Variants in FCHO2 observed in about 807,000 individuals in gnomAD.
FCHO2 encodes F-BAR domain only protein 2.
In FCHO2, 43 loss-of-function variants were observed where a neutral mutation model predicts 114.1. That is an observed-to-expected ratio of 0.38 (90% CI 0.30 to 0.49). The LOEUF (loss-of-function observed/expected upper bound fraction) is 0.49. Among genes scored for constraint, FCHO2 ranks in the 20% least tolerant of loss-of-function variants. The probability of loss-of-function intolerance (pLI) is 0.97; values close to 1 mark genes in which losing one functional copy is unlikely to be tolerated. For missense variants in FCHO2, 807 were observed against 950.4 expected, an observed-to-expected ratio of 0.85 and a Z score of 1.98; for synonymous variants, 293 against 315.2, an observed-to-expected ratio of 0.93 and a Z score of 0.75.
chr5:73,011,912 G>GA (rs1187558539), intron 6 of FCHO2, among the ~76,000 whole-genome samples: 178 of 138,898 alleles, frequency 1.3e-3, no homozygotes, highest in Middle Eastern at 3.6e-3. Flanking sequence ...TCCATCTCAG[G>GA]AAAAAAAAAA....
intron 2 of FCHO2, among the ~76,000 whole-genome samples, chr5:72,986,874 C>CTT (rs1311341687): frequency 6.8e-6 from 1 of 146,058 alleles, no homozygotes. Context: ...CTTTTTCTTT[C>CTT]TTTTTTTTTT....
chr5:73,023,303 G>T (rs1755728984), intron 8 of FCHO2, among the ~76,000 whole-genome samples: 3 of 152,124 alleles, frequency 2.0e-5, no homozygotes, highest in African/African-American at 7.2e-5. Context: ...CAGTTTAAGA[G>T]GCAGGAATTT....
chr5:73,074,630 T>G, intron 19 of FCHO2, 112 bp from the exon 20 acceptor site: 1 of 915,806 alleles, frequency 1.1e-6, no homozygotes, highest in Non-Finnish European at 1.7e-6. Context: ...GGGACATCAC[T>G]GAAACCAGTG....
At chr5:73,049,447 T>A (rs554241745) in intron 11 of FCHO2, among the ~76,000 whole-genome samples, 2 of 152,284 alleles carry the variant, frequency 1.3e-5, no homozygotes, top group African/African-American at 4.8e-5. Context: ...GGAGGGGCCT[T>A]TTTGTCTTAT....
chr5:73,058,532 T>C lies in FCHO2; in HGVS notation c.1345+8T>C. ...TAACTTCATCATCATCAGGTAAATA[T>C]ATATATGTATATATGTATTTTTTTA... On this transcript the variant is annotated splice_region_variant and intron_variant, in intron 17 of 25. Transcript: ENST00000430046. The C allele has an allele frequency of 2.1e-6, 2 of 968,556 alleles. No homozygotes were observed. Among genetic ancestry groups the C allele is most frequent in the Non-Finnish European group, 2.9e-6 (2 of 685,282 alleles). 60.0% of individuals were successfully genotyped at this position (968,556 alleles called of 1,614,324 possible). A position where few individuals can be genotyped will look rare whatever the true frequency, so the allele number is the denominator to read the frequency against.
chr5:73,070,498 T>TA (rs1742588018), intron 19 of FCHO2, among the ~76,000 whole-genome samples: 2 of 151,848 alleles, frequency 1.3e-5, no homozygotes, highest in African/African-American at 4.8e-5. Context: ...ATTTTAGTCC[T>TA]AAAAAACCTA....
At chr5:73,025,996 T>C (rs1398687322) in intron 8 of FCHO2, among the ~76,000 whole-genome samples, 3 of 152,102 alleles carry the variant, frequency 2.0e-5, no homozygotes, top group Non-Finnish European at 4.4e-5. Flanking sequence ...TCCAATTCTT[T>C]TAAAAATTTG....
chr5:73,057,174 C>T (rs1223976314), intron 16 of FCHO2, among the ~76,000 whole-genome samples: 3 of 151,834 alleles, frequency 2.0e-5, no homozygotes, highest in Non-Finnish European at 4.4e-5. Flanking sequence ...GACTCAGACT[C>T]CTGAGCCTCT....
In FCHO2 at chr5:73,023,290, TAAC is replaced by T. The variant is rs1156670361; in HGVS notation, c.796+5984_796+5986del. On this transcript the variant is annotated intron_variant, in intron 8 of 25. Coordinates refer to ENST00000430046, the MANE Select transcript of FCHO2 (RefSeq NM_138782.3). ...TTATTAATGTTTAAATAATTAGAAA[TAAC>T]AGTTTAAGAGGCAGGAATTTACTTT... is the stretch of plus-strand genomic sequence containing the variant. Among the ~76,000 whole-genome samples the T allele has an allele frequency of 3.3e-5, 5 of 152,312 alleles. No homozygotes were observed. In the East Asian group the frequency reaches 9.6e-4, roughly 29 times the overall value.
intron 24 of FCHO2, 30 bp from the exon 25 acceptor site, chr5:73,087,559 T>C: frequency 6.2e-7 from 1 of 1,608,936 alleles, no homozygotes; most frequent in South Asian, 1.1e-5. Flanking sequence ...TATTTTACCC[T>C]GTGTAAGTGC....
chr5:72,962,403 G>T (rs1305972015), intron 1 of FCHO2, among the ~76,000 whole-genome samples: 5 of 152,160 alleles, frequency 3.3e-5, no homozygotes, highest in African/African-American at 9.7e-5. Context: ...TGCACATGTG[G>T]CTAATATAAG....
intron 20 of FCHO2, among the ~76,000 whole-genome samples, chr5:73,075,705 A>G (rs1742880414): frequency 6.6e-6 from 1 of 152,186 alleles, no homozygotes; most frequent in Non-Finnish European, 1.5e-5. Flanking sequence ...AATTAATTAC[A>G]GAAGTCCAGG....
chr5:73,022,839 C>G (rs1047788116), intron 8 of FCHO2, among the ~76,000 whole-genome samples: 1 of 152,166 alleles, frequency 6.6e-6, no homozygotes, highest in Non-Finnish European at 1.5e-5. Flanking sequence ...TTTTGCTTGT[C>G]TTTACTTGGC....
chr5:72,999,340 T>G (rs1202533135), intron 5 of FCHO2, among the ~76,000 whole-genome samples: 1 of 151,476 alleles, frequency 6.6e-6, no homozygotes, highest in African/African-American at 2.4e-5. Flanking sequence ...ATAGGTGTTA[T>G]AACATAATTT....
At chr5:73,010,042 T>C (rs1161269712) in intron 6 of FCHO2, among the ~76,000 whole-genome samples, 1 of 152,236 alleles carries the variant, frequency 6.6e-6, no homozygotes, top group Non-Finnish European at 1.5e-5. Context: ...TCATAGAGAA[T>C]AGACTTTAAT....
intron 5 of FCHO2, among the ~76,000 whole-genome samples, chr5:72,997,963 A>G (rs758745928): frequency 1.1e-4 from 16 of 152,084 alleles, no homozygotes; most frequent in Non-Finnish European, 1.3e-4. Flanking sequence ...CCACAGATAT[A>G]TGGTGATCCA....
At chr5:73,035,695 G>T (rs1006595959) in intron 9 of FCHO2, among the ~76,000 whole-genome samples, 8 of 152,010 alleles carry the variant, frequency 5.3e-5, no homozygotes, top group Non-Finnish European at 1.2e-4. Context: ...TAGAGAAAGG[G>T]TTTCACCATG....
At chr5:73,003,506 A>G (rs1754557165) in intron 5 of FCHO2, among the ~76,000 whole-genome samples, 2 of 152,142 alleles carry the variant, frequency 1.3e-5, no homozygotes, top group Non-Finnish European at 1.5e-5. Flanking sequence ...GTGTATGCAC[A>G]GTCATTATAA....
rs369031445 is a variant in FCHO2 at position 73,009,422 on chromosome 5, T to TA, written c.600+2879dup. Among the ~76,000 whole-genome samples, 76 of 152,348 alleles carry TA rather than the reference T, an allele frequency of 5.0e-4. 1 individual carries two copies. In the East Asian group the frequency reaches 0.014, roughly 28 times the overall value. ...TTTTTTGTTTGTTGATGTTACTTTA[T>TA]AAAAAAGAGCGTTCAGCACATCTTT... On this transcript the variant is annotated intron_variant, in intron 6 of 25. Coordinates refer to ENST00000430046, the MANE Select transcript of FCHO2 (RefSeq NM_138782.3).
Sources: allele counts gnomAD v4.1 joint callset (sites outside exome capture counted in the v4.1 genomes callset), GRCh38; gene constraint gnomAD v4.1.1; transcripts MANE v1.5; gene names NCBI Gene and HGNC (gene_info 2026-07-23, HGNC 2026-07-21).